The following AVPR1A variants were observed in gnomAD, a reference collection of about 807,000 sequenced individuals.
AVPR1A encodes the protein arginine vasopressin receptor 1A, also known as vasopressin V1a receptor.
AVPR1A carries 31 observed loss-of-function variants against 31.5 expected under a neutral mutation model. That is an observed-to-expected ratio of 0.99 (90% CI 0.74 to 1.33). The LOEUF (loss-of-function observed/expected upper bound fraction) is 1.33. Among genes scored for constraint, AVPR1A ranks in the 40% most tolerant of loss-of-function variants. The pLI, the probability that AVPR1A is intolerant of heterozygous loss-of-function variation, is 0.00. For missense variants in AVPR1A, 570 were observed against 575.2 expected, an observed-to-expected ratio of 0.99 and a Z score of 0.09; for synonymous variants, 243 against 233.2, an observed-to-expected ratio of 1.04 and a Z score of -0.38.
rs1868377067 is a variant in AVPR1A at position 63,147,546 on chromosome 12, T to C, written c.1070A>G (p.Gln357Arg). 2 of 1,614,136 alleles carry C rather than the reference T, an allele frequency of 1.2e-6. No homozygotes were observed. Among genetic ancestry groups the C allele is most frequent in the Non-Finnish European group, 1.7e-6 (2 of 1,180,006 alleles). The change falls in exon 2 of 2, where the codon CAA becomes CGA. Residue 357 changes from glutamine (Q) to arginine (R), a missense_variant. Physicochemically the swap from Gln to Arg is conservative, Grantham distance 43. Coordinates refer to ENST00000299178, the MANE Select transcript of AVPR1A (RefSeq NM_000706.5). ...GCATGGGAAGCTTTGAACACAGTCT[T>C]GAAGGAGATGGCCACTAAAAAACAT... ...IYMFFSGHLL[Q>R]DCVQSFPCCQ...
chr12:63,145,298 G>C lies in AVPR1A; in HGVS notation c.*2061C>G, dbSNP rs548145000. ...GCCTATCAATACAAGGAGCCTAAGG[G>C]CTGAGAATTTCAAAAGGCAGAAGAA... On this transcript the variant is annotated 3_prime_UTR_variant, in exon 2 of 2. Transcript: ENST00000299178. The C allele has an allele frequency of 2.2e-6, 1 of 448,738 alleles. No homozygotes were observed. The highest frequency in any genetic ancestry group is 4.4e-6 in the Non-Finnish European group (1 of 224,906). 27.8% of individuals were successfully genotyped at this position (448,738 alleles called of 1,614,324 possible). A position where few individuals can be genotyped will look rare whatever the true frequency, so the allele number is the denominator to read the frequency against.
In AVPR1A at chr12:63,150,530, A is replaced by T; in HGVS notation, c.307T>A (p.Phe103Ile). The change falls in exon 1 of 2, where the codon TTC becomes ATC. Residue 103 changes from phenylalanine to isoleucine, a missense_variant. By Grantham distance (21) the Phe-to-Ile change is conservative. Coordinates refer to ENST00000299178, the MANE Select transcript of AVPR1A (RefSeq NM_000706.5). The surrounding 1 kb of genome is among the most constrained non-coding windows in gnomAD (Gnocchi z 4.9). ...CAGCACATTTGCGGCAGCACCTGGA[A>T]GAATGCCACGGCCAGGTCGGCCAGG... ...LSLADLAVAFFQVLPQMCWDI... is the reference protein window; with the variant it reads ...LSLADLAVAFIQVLPQMCWDI... The T allele has an allele frequency of 6.2e-7, 1 of 1,613,252 alleles. No individual in the cohort carries two copies. Among genetic ancestry groups the T allele is most frequent in the Non-Finnish European group, 8.5e-7 (1 of 1,179,860 alleles).
At position 63,145,415 on chromosome 12, in the gene AVPR1A, A is replaced by G. The variant is rs1218045036; in HGVS notation, c.*1944T>C. 1 of 454,110 alleles carries G rather than the reference A, an allele frequency of 2.2e-6. No individual in the cohort carries two copies. Among genetic ancestry groups the G allele is most frequent in the Non-Finnish European group, 4.4e-6 (1 of 226,422 alleles). The allele number at this position is 454,110 out of a possible 1,614,324, so 28.1% of individuals were successfully genotyped here. On this transcript the variant is annotated 3_prime_UTR_variant, in exon 2 of 2. Transcript: ENST00000299178. ...CAAAGGTAAAAAAAGAAACTCAATA[A>G]TACTATTAAAACCATGCTGGCCAAC...
chr12:63,145,291 C>T lies in AVPR1A; in HGVS notation c.*2068G>A. ...TTTTTAGGCCTATCAATACAAGGAG[C>T]CTAAGGGCTGAGAATTTCAAAAGGC... On this transcript the variant is annotated 3_prime_UTR_variant, in exon 2 of 2. Transcript: ENST00000299178. 2.3e-6 allele frequency: 1 copy of T among 444,200 alleles called. No homozygotes were observed. Among genetic ancestry groups the T allele is most frequent in the Admixed American group, 2.5e-5 (1 of 39,462 alleles). The allele number at this position is 444,200 out of a possible 1,614,324, so 27.5% of individuals were successfully genotyped here. A position where few individuals can be genotyped will look rare whatever the true frequency, so the allele number is the denominator to read the frequency against.
chr12:63,147,413 C>T lies in AVPR1A; in HGVS notation c.1203G>A (p.Trp401Ter), dbSNP rs771813628. The T allele has an allele frequency of 6.2e-7, 1 of 1,614,110 alleles. No homozygotes were observed. Among genetic ancestry groups the T allele is most frequent in the Non-Finnish European group, 8.5e-7 (1 of 1,179,966 alleles). The change falls in exon 2 of 2, where the codon TGG (tryptophan) becomes TGA (stop). Residue 401 changes from tryptophan to a stop codon, truncating the protein, a stop_gained. Transcript: ENST00000299178. LOFTEE classifies it high-confidence loss of function. ...ACTTGGAAGATTTAGGCGAGTCCTT[C>T]CACATACCCGTACTGTTTGTTGGGC... ...NRSPTNSTGM[W>*]KDSPKSSKSI...
rs573786094 is a variant in AVPR1A, at chr12:63,150,846, G to A, written c.-10C>T. 7 of 1,562,880 alleles carry A rather than the reference G, an allele frequency of 4.5e-6. No individual in the cohort carries two copies. In the African/African-American group the frequency reaches 5.4e-5, roughly 12 times the overall value. ...CGGCGGAGAGACGCATGCTGTCCAT[G>A]CAGCTCCTACTCGGCCCTCTTCGGA... On this transcript the variant is annotated 5_prime_UTR_variant, in exon 1 of 2. Coordinates refer to ENST00000299178, the MANE Select transcript of AVPR1A (RefSeq NM_000706.5). This position sits in a 1 kb window ranked among gnomAD's most constrained non-coding sequence, Gnocchi z 4.9.
At position 63,147,226 on chromosome 12, in the gene AVPR1A, AAC is replaced by A. The variant is rs2120749924; in HGVS notation, c.*131_*132del. The A allele has an allele frequency of 9.1e-7, 1 of 1,093,360 alleles. No individual in the cohort carries two copies. Among genetic ancestry groups the A allele is most frequent in the Non-Finnish European group, 1.3e-6 (1 of 771,964 alleles). 67.7% of individuals were successfully genotyped at this position (1,093,360 alleles called of 1,614,324 possible). On this transcript the variant is annotated 3_prime_UTR_variant, in exon 2 of 2. Coordinates refer to ENST00000299178, the MANE Select transcript of AVPR1A (RefSeq NM_000706.5). ...GTAGCAATATGAAAATGCAACTAGA[AAC>A]ACAGTCTCATACACAATGAATTGAT...
In AVPR1A at chr12:63,150,996, G is replaced by C; in HGVS notation, c.-160C>G. 1 of 1,108,510 alleles carries C rather than the reference G, an allele frequency of 9.0e-7. No homozygotes were observed. The highest frequency in any genetic ancestry group is 1.2e-6 in the Non-Finnish European group (1 of 804,308). 68.7% of individuals were successfully genotyped at this position (1,108,510 alleles called of 1,614,324 possible). A position where few individuals can be genotyped will look rare whatever the true frequency, so the allele number is the denominator to read the frequency against. On this transcript the variant is annotated 5_prime_UTR_variant, in exon 1 of 2. Coordinates refer to ENST00000299178, the MANE Select transcript of AVPR1A (RefSeq NM_000706.5). This position sits in a 1 kb window ranked among gnomAD's most constrained non-coding sequence, Gnocchi z 4.9. ...GCGATCCCTCCAGTGGGCGTCTCCC[G>C]GAGCAGCGTCCCGCCTGCCCACTGA...
rs143160244 is a variant in AVPR1A at position 63,150,282 on chromosome 12, C to T, written c.555G>A (p.Gln185=). 64 of 1,613,852 alleles carry T rather than the reference C, an allele frequency of 4.0e-5. No homozygotes were observed. Among genetic ancestry groups the T allele is most frequent in the East Asian group, 4.5e-5 (2 of 44,866 alleles). ...CCTCGATCATGGAGAAGACGAAGTACTGCGGCGTGCTCAGCACGAAGCTCA... is the reference window on the plus strand; with the variant it reads ...CCTCGATCATGGAGAAGACGAAGTATTGCGGCGTGCTCAGCACGAAGCTCA... ...WVLSFVLSTP[Q]YFVFSMIEVN... is the part of the protein sequence containing the mutation. Residue 185 remains glutamine, a synonymous_variant, in exon 1 of 2, where the codon CAG becomes CAA. Transcript: ENST00000299178. The surrounding 1 kb of genome is among the most constrained non-coding windows in gnomAD (Gnocchi z 4.9).
Position 63,149,869 on chromosome 12 carries a change from G to C in AVPR1A, c.968C>G (p.Thr323Ser). The C allele has an allele frequency of 1.9e-6, 3 of 1,609,344 alleles. No individual in the cohort carries two copies. The highest frequency in any genetic ancestry group is 2.5e-6 in the Non-Finnish European group (3 of 1,178,422). Reference protein sequence around the residue: ...WSVWDPMSVWTESENPTITIT... With the variant: ...WSVWDPMSVWSESENPTITIT... ...TCCTCTATTTTCCCGGCACGTACCG[G>C]TCCAGACGGACATGGGATCCCAGAC... is the stretch of plus-strand genomic sequence containing the variant. Residue 323 changes from threonine (T) to serine (S), a missense_variant and splice_region_variant, in exon 1 of 2, where the codon ACC (threonine) becomes AGC (serine). Thr to Ser is a moderately conservative substitution (Grantham distance 58, BLOSUM62 1). Coordinates refer to ENST00000299178, the MANE Select transcript of AVPR1A (RefSeq NM_000706.5).
rs1294322559 is a variant in AVPR1A at position 63,147,180 on chromosome 12, CA to C, written c.*178del. 8 of 687,282 alleles carry C rather than the reference CA, an allele frequency of 1.2e-5. No homozygotes were observed. In the Admixed American group the frequency reaches 2.4e-4, roughly 21 times the overall value. 42.6% of individuals were successfully genotyped at this position (687,282 alleles called of 1,614,324 possible). A position where few individuals can be genotyped will look rare whatever the true frequency, so the allele number is the denominator to read the frequency against. On this transcript the variant is annotated 3_prime_UTR_variant, in exon 2 of 2. Transcript: ENST00000299178. ...AGCATGTTTCCATTAATATTCCATA[CA>C]AAATAATGTCTAGTTTTTGGTAGCA...
Position 63,143,105 on chromosome 12 carries a change from G to C in AVPR1A, c.*4254C>G, listed in dbSNP as rs988031004. The C allele has an allele frequency of 1.3e-5, 2 of 151,904 alleles. No homozygotes were observed. Among genetic ancestry groups the C allele is most frequent in the Non-Finnish European group, 2.9e-5 (2 of 67,902 alleles). The allele number at this position is 151,904 out of a possible 1,614,324, so 9.4% of individuals were successfully genotyped here. A position where few individuals can be genotyped will look rare whatever the true frequency, so the allele number is the denominator to read the frequency against. ...ATATATTCAAGTCAGAAATCCTGTA[G>C]TATGAAGACATACCTTCATATGTGA... On this transcript the variant is annotated 3_prime_UTR_variant, in exon 2 of 2. Coordinates refer to ENST00000299178, the MANE Select transcript of AVPR1A (RefSeq NM_000706.5).
At position 63,144,905 on chromosome 12, in the gene AVPR1A, A is replaced by C. The variant is rs1868346430; in HGVS notation, c.*2454T>G. The C allele has an allele frequency of 6.5e-6, 1 of 152,904 alleles. No individual in the cohort carries two copies. The highest frequency in any genetic ancestry group is 2.4e-5 in the African/African-American group (1 of 41,462). 9.5% of individuals were successfully genotyped at this position (152,904 alleles called of 1,614,324 possible). On this transcript the variant is annotated 3_prime_UTR_variant, in exon 2 of 2. Coordinates refer to ENST00000299178, the MANE Select transcript of AVPR1A (RefSeq NM_000706.5). Reference sequence around the variant, plus strand: ...GCACTTTTTTTTGTGAGCTGTTCTCAGAAATAACATTCAAATTGAATTGTT... The same window carrying C: ...GCACTTTTTTTTGTGAGCTGTTCTCCGAAATAACATTCAAATTGAATTGTT...
chr12:63,145,371 G>C lies in AVPR1A; in HGVS notation c.*1988C>G, dbSNP rs2120744509. On this transcript the variant is annotated 3_prime_UTR_variant, in exon 2 of 2. Coordinates refer to ENST00000299178, the MANE Select transcript of AVPR1A (RefSeq NM_000706.5). Reference sequence around the variant, plus strand: ...TTCCGGGTTCTCACAGTGCTATCCAGTTCTCATTTTCTTATCTACAAAGGT... The same window carrying C: ...TTCCGGGTTCTCACAGTGCTATCCACTTCTCATTTTCTTATCTACAAAGGT... 2.2e-6 allele frequency: 1 copy of C among 455,630 alleles called. No homozygotes were observed. Among genetic ancestry groups the C allele is most frequent in the South Asian group, 1.6e-5 (1 of 64,496 alleles). The allele number at this position is 455,630 out of a possible 1,614,324, so 28.2% of individuals were successfully genotyped here. A position where few individuals can be genotyped will look rare whatever the true frequency, so the allele number is the denominator to read the frequency against.
Position 63,142,965 on chromosome 12 carries a change from A to T in AVPR1A, c.*4394T>A, listed in dbSNP as rs1277255052. ...ACACACTGAAATTATTTTAGATAGCATAATAAGCTAGAGGATATAGAACAT... is the reference window on the plus strand; with the variant it reads ...ACACACTGAAATTATTTTAGATAGCTTAATAAGCTAGAGGATATAGAACAT... On this transcript the variant is annotated 3_prime_UTR_variant, in exon 2 of 2. Transcript: ENST00000299178. The T allele has an allele frequency of 6.6e-6, 1 of 152,158 alleles. No homozygotes were observed. The highest frequency in any genetic ancestry group is 1.5e-5 in the Non-Finnish European group (1 of 67,980). 9.4% of individuals were successfully genotyped at this position (152,158 alleles called of 1,614,324 possible). A position where few individuals can be genotyped will look rare whatever the true frequency, so the allele number is the denominator to read the frequency against.
chr12:63,149,697 T>C lies in AVPR1A; in HGVS notation c.970+170A>G, dbSNP rs193291891. ...ACAGTGTTCCTCCAAGGTGCGACTCTTATGTACACATAGAAGTTTAAAAAC... is the reference window on the plus strand; with the variant it reads ...ACAGTGTTCCTCCAAGGTGCGACTCCTATGTACACATAGAAGTTTAAAAAC... On this transcript the variant is annotated intron_variant, in intron 1 of 1. Transcript: ENST00000299178. Among the ~76,000 whole-genome samples the C allele has an allele frequency of 1.1e-4, 16 of 152,034 alleles. No homozygotes were observed. The East Asian group carries it at 3.1e-3, about 29-fold the overall frequency.
rs140679994 is a variant in AVPR1A, at chr12:63,147,647, T to G, written c.971-2A>C. The G allele has an allele frequency of 2.6e-4, 414 of 1,608,356 alleles. No individual in the cohort carries two copies. In the East Asian group the frequency reaches 8.6e-3, roughly 34 times the overall value. On this transcript the variant is annotated splice_acceptor_variant, in intron 1 of 1. Coordinates refer to ENST00000299178, the MANE Select transcript of AVPR1A (RefSeq NM_000706.5). LOFTEE classifies it high-confidence loss of function. ...TGGTGATGGTAGGGTTTTCCGATTCTGCATGAAAAATATAAAGGGAAATCA... is the reference window on the plus strand; with the variant it reads ...TGGTGATGGTAGGGTTTTCCGATTCGGCATGAAAAATATAAAGGGAAATCA...
rs1021563031 is a variant in AVPR1A at position 63,145,316 on chromosome 12, C to G, written c.*2043G>C. 1.6e-5 allele frequency: 7 copies of G among 450,534 alleles called. No individual in the cohort carries two copies. Among genetic ancestry groups the G allele is most frequent in the African/African-American group, 1.0e-4 (5 of 49,526 alleles). The allele number at this position is 450,534 out of a possible 1,614,324, so 27.9% of individuals were successfully genotyped here. On this transcript the variant is annotated 3_prime_UTR_variant, in exon 2 of 2. Transcript: ENST00000299178. ...CCTAAGGGCTGAGAATTTCAAAAGG[C>G]AGAAGAATGAAGAGGAGTGAAGTTA...
In AVPR1A at chr12:63,146,181, G is replaced by C. The variant is rs1344544343; in HGVS notation, c.*1178C>G. On this transcript the variant is annotated 3_prime_UTR_variant, in exon 2 of 2. Coordinates refer to ENST00000299178, the MANE Select transcript of AVPR1A (RefSeq NM_000706.5). ...GTGAGGTAAGTGTTATCAACCCCAC[G>C]GTAAGTCAAGGAAACAGAGGCTTTA... The C allele has an allele frequency of 6.6e-6, 1 of 152,046 alleles. No homozygotes were observed. Among genetic ancestry groups the C allele is most frequent in the Non-Finnish European group, 1.5e-5 (1 of 68,008 alleles). 9.4% of individuals were successfully genotyped at this position (152,046 alleles called of 1,614,324 possible).
Sources: gnomAD v4.1 joint callset for allele counts (sites outside exome capture counted in the v4.1 genomes callset) on GRCh38, gnomAD v4.1.1 for gene constraint, Gnocchi (gnomAD v3.1) non-coding constraint, MANE v1.5 for transcripts, NCBI Gene and HGNC (gene_info 2026-07-23, HGNC 2026-07-21) for gene names.